HCN1: variants seen among roughly 807,000 people sequenced by gnomAD.
The protein encoded by HCN1 is hyperpolarization activated cyclic nucleotide gated potassium channel 1, also known as potassium/sodium hyperpolarization-activated cyclic nucleotide-gated channel 1.
A neutral mutation model predicts 78.9 loss-of-function variants in HCN1; 13 were observed. That is an observed-to-expected ratio of 0.16 (90% confidence interval 0.11 to 0.26). The LOEUF is 0.26. Ranked by LOEUF, HCN1 falls within the 10% of genes least tolerant of loss-of-function variation. HCN1 has a pLI of 1.00. For synonymous variants in HCN1, 552 were observed against 455.5 expected (o/e 1.21, Z -2.70); for missense variants, 810 against 1,154.3 (o/e 0.70, Z 4.32).
chr5:45,330,042 A>G (rs550810827), intron 5 of HCN1, among the ~76,000 whole-genome samples: 50 of 151,554 alleles, frequency 3.3e-4, no homozygotes, highest in African/African-American at 1.2e-3. Context: ...AAAAAAATGC[A>G]CAATAATATA....
At chr5:45,398,889 C>T (rs767344827) in intron 3 of HCN1, among the ~76,000 whole-genome samples, 1 of 152,192 alleles carries the variant, frequency 6.6e-6, no homozygotes, top group Non-Finnish European at 1.5e-5. Flanking sequence ...GCTTTCAAAA[C>T]TGGACATTGT....
chr5:45,686,555 A>G (rs1217430728), intron 1 of HCN1, among the ~76,000 whole-genome samples: 1 of 152,190 alleles, frequency 6.6e-6, no homozygotes. Flanking sequence ...TATTATGACC[A>G]AATAACCATT....
chr5:45,390,540 G>T (rs561998496), intron 4 of HCN1, among the ~76,000 whole-genome samples: 1 of 152,256 alleles, frequency 6.6e-6, no homozygotes, highest in South Asian at 2.1e-4. Flanking sequence ...TTAAGGTTTA[G>T]TATGGAGAAA....
In HCN1 at chr5:45,359,415, A is replaced by AT. The variant is rs200780982; in HGVS notation, c.1231-6170_1231-6169insA. Among the ~76,000 whole-genome samples the AT allele has an allele frequency of 5.1e-3, 732 of 143,616 alleles. 5 individuals are homozygous for AT. The highest frequency in any genetic ancestry group is 0.013 in the African/African-American group (473 of 36,964). The allele number at this position is 143,616 out of a possible 152,430, so 94.2% of individuals were successfully genotyped here. On this transcript the variant is annotated intron_variant, in intron 4 of 7. Transcript: ENST00000303230. ...CTTTCAGGAAGCATCAAAAAAAAAA[A>AT]AATATATATATATATATATCACCTG...
At chr5:45,630,189 C>T (rs1270864881) in intron 2 of HCN1, among the ~76,000 whole-genome samples, 1 of 152,140 alleles carries the variant, frequency 6.6e-6, no homozygotes, top group Non-Finnish European at 1.5e-5. Flanking sequence ...AGGGACCCTG[C>T]CTCAAATCTT....
chr5:45,271,373 C>T (rs1400636579), intron 6 of HCN1, among the ~76,000 whole-genome samples: 2 of 150,952 alleles, frequency 1.3e-5, no homozygotes, highest in African/African-American at 2.4e-5. Flanking sequence ...CACACACACA[C>T]ACACACACAC....
At chr5:45,688,152 C>CA (rs1354936786) in intron 1 of HCN1, among the ~76,000 whole-genome samples, 3 of 152,000 alleles carry the variant, frequency 2.0e-5, no homozygotes, top group Admixed American at 6.6e-5. Context: ...TTCTACTTAC[C>CA]AATGTGTCTG....
intron 5 of HCN1, among the ~76,000 whole-genome samples, chr5:45,327,152 C>T (rs895330986): frequency 6.6e-6 from 1 of 151,452 alleles, no homozygotes; most frequent in African/African-American, 2.4e-5. Flanking sequence ...CCATCTGTAG[C>T]AAGGTGTAAG....
chr5:45,499,329 C>A (rs1248082599), intron 2 of HCN1, among the ~76,000 whole-genome samples: 6 of 152,180 alleles, frequency 3.9e-5, no homozygotes, highest in Non-Finnish European at 8.8e-5. Context: ...GCGTAGTATT[C>A]GGGTGGGAGT....
intron 2 of HCN1, among the ~76,000 whole-genome samples, chr5:45,471,520 C>T (rs1741388524): frequency 3.3e-5 from 5 of 151,970 alleles, no homozygotes; most frequent in Middle Eastern, 3.4e-3. Context: ...TCTGTCTTAA[C>T]GAGTTCCTTG....
intron 2 of HCN1, among the ~76,000 whole-genome samples, chr5:45,586,180 G>A (rs186783328): frequency 5.7e-4 from 87 of 152,274 alleles, no homozygotes; most frequent in African/African-American, 1.6e-3. Context: ...CACCCAGTTC[G>A]AGCTTCCTGG....
chr5:45,628,178 C>T (rs1486354052), intron 2 of HCN1, among the ~76,000 whole-genome samples: 1 of 152,134 alleles, frequency 6.6e-6, no homozygotes, highest in Admixed American at 6.6e-5. Context: ...CTTTACTTCT[C>T]TTGGTGTGAT....
intron 2 of HCN1, among the ~76,000 whole-genome samples, chr5:45,474,818 C>G (rs1561168594): frequency 2.0e-5 from 3 of 151,836 alleles, no homozygotes; most frequent in Admixed American, 2.0e-4. Context: ...ACCTTAATGT[C>G]TTGGTATCTC....
At chr5:45,653,455 A>G (rs561989498) in intron 1 of HCN1, among the ~76,000 whole-genome samples, 40 of 152,280 alleles carry the variant, frequency 2.6e-4, no homozygotes, top group Non-Finnish European at 2.9e-4. Flanking sequence ...ATACTGTTTT[A>G]GCCCTTATTC....
intron 1 of HCN1, among the ~76,000 whole-genome samples, chr5:45,690,747 CAT>C (rs988495959): frequency 6.6e-6 from 1 of 151,958 alleles, no homozygotes. Context: ...CAGCCTAATT[CAT>C]AGTTTGTTAC....
intron 4 of HCN1, among the ~76,000 whole-genome samples, chr5:45,372,100 TTATATATAATATAATTATATATTA>T (rs1747395397): frequency 6.2e-5 from 3 of 48,406 alleles, no homozygotes; most frequent in Non-Finnish European, 6.2e-5. Flanking sequence ...TATATATATT[TTATATATAATATAATTATATATTA>T]TATATATAAT....
At chr5:45,555,563 C>G (rs2111864127) in intron 2 of HCN1, among the ~76,000 whole-genome samples, 1 of 151,834 alleles carries the variant, frequency 6.6e-6, no homozygotes, top group East Asian at 1.9e-4. Flanking sequence ...TATGAAGGCA[C>G]ACACATACAC....
chr5:45,593,336 T>TCA (rs1430238040), intron 2 of HCN1, among the ~76,000 whole-genome samples: 8,125 of 136,006 alleles, frequency 0.06, 259 homozygotes, highest in Non-Finnish European at 0.08. Context: ...TCTCTCTCTC[T>TCA]CTCTCACACA....
intron 2 of HCN1, among the ~76,000 whole-genome samples, chr5:45,551,341 C>A (rs1743364974): frequency 6.7e-6 from 1 of 150,212 alleles, no homozygotes; most frequent in Admixed American, 6.7e-5. Flanking sequence ...AGCACATGAA[C>A]AAATGAAAAC....
Sources: allele counts gnomAD v4.1 joint callset (sites outside exome capture counted in the v4.1 genomes callset), GRCh38; gene constraint gnomAD v4.1.1; transcripts MANE v1.5; gene names NCBI Gene and HGNC (gene_info 2026-07-23, HGNC 2026-07-21).